The following NRG1 variants were observed in gnomAD, a reference collection of about 807,000 sequenced individuals.
NRG1 encodes neuregulin 1.
In NRG1, 18 loss-of-function variants were observed where a neutral mutation model predicts 63.8. The ratio of observed to expected loss-of-function variants is 0.28; its 90% confidence interval spans 0.19 to 0.42. The LOEUF (loss-of-function observed/expected upper bound fraction) is 0.42, where lower values mean the gene tolerates loss of function less well. Among genes scored for constraint, NRG1 ranks in the 10% least tolerant of loss-of-function variants. The probability of loss-of-function intolerance (pLI) is 1.00; values close to 1 mark genes in which losing one functional copy is unlikely to be tolerated. For missense variants in NRG1, 762 were observed against 814.7 expected (o/e 0.94, Z 0.79); for synonymous variants, 302 against 301.3 (o/e 1.00, Z -0.02).
At chr8:32,101,151 A>C (rs1031763549) in intron 1 of NRG1, among the ~76,000 whole-genome samples, 4 of 152,182 alleles carry the variant, frequency 2.6e-5, no homozygotes, top group African/African-American at 9.7e-5. Context: ...CAGCAGCATA[A>C]ATAGAAACTG....
intron 1 of NRG1, among the ~76,000 whole-genome samples, chr8:32,461,325 G>A (rs974290762): frequency 6.6e-6 from 1 of 152,160 alleles, no homozygotes; most frequent in East Asian, 1.9e-4. Flanking sequence ...TAAAATAAGT[G>A]CCTTCTAAAA....
At chr8:32,052,949 C>T (rs1822231947) in intron 1 of NRG1, among the ~76,000 whole-genome samples, 1 of 152,122 alleles carries the variant, frequency 6.6e-6, no homozygotes, top group Admixed American at 6.6e-5. Context: ...TTGATCTGGC[C>T]AATGTGGTTA....
chr8:32,646,544 C>T (rs1853576091), intron 5 of NRG1, among the ~76,000 whole-genome samples: 1 of 152,110 alleles, frequency 6.6e-6, no homozygotes, highest in African/African-American at 2.4e-5. Context: ...CCCACCTACA[C>T]CACCCCCCAC....
intron 1 of NRG1, among the ~76,000 whole-genome samples, chr8:32,078,352 C>G (rs1826929079): frequency 6.6e-6 from 1 of 152,228 alleles, no homozygotes; most frequent in Non-Finnish European, 1.5e-5. Context: ...TGATTGCAAG[C>G]TTCCTGAGTT....
At chr8:31,642,790 TA>T (rs1476327508) in intron 1 of NRG1, among the ~76,000 whole-genome samples, 3 of 152,206 alleles carry the variant, frequency 2.0e-5, no homozygotes, top group African/African-American at 7.2e-5. Flanking sequence ...TTATATGATT[TA>T]AAGTAGGATA....
chr8:32,477,188 A>C (rs566893087), intron 1 of NRG1, among the ~76,000 whole-genome samples: 1 of 152,192 alleles, frequency 6.6e-6, no homozygotes, highest in East Asian at 1.9e-4. Context: ...TCAGCTTTTC[A>C]AGGTCTACAC....
Position 31,648,221 on chromosome 8 carries a change from C to G in NRG1, c.37+8790C>G, listed in dbSNP as rs558858485. ...CGATCTCGACTCACTGCAAGCTCCGCCTCCCGGGTTCACGCCATTCTCCTG... is the reference window on the plus strand; with the variant it reads ...CGATCTCGACTCACTGCAAGCTCCGGCTCCCGGGTTCACGCCATTCTCCTG... On this transcript the variant is annotated intron_variant, in intron 1 of 10. Transcript: ENST00000519301. Among the ~76,000 whole-genome samples, 4 of 148,936 alleles carry G rather than the reference C, an allele frequency of 2.7e-5. No individual in the cohort carries two copies. In the East Asian group the frequency reaches 7.9e-4, roughly 30 times the overall value.
At chr8:32,083,762 C>T (rs1309223695) in intron 1 of NRG1, among the ~76,000 whole-genome samples, 1 of 140,782 alleles carries the variant, frequency 7.1e-6, no homozygotes, top group African/African-American at 2.6e-5. Context: ...TATTTCATGT[C>T]ATGTGATACA....
At chr8:32,758,022 C>T (rs571473326) in intron 9 of NRG1, among the ~76,000 whole-genome samples, 1 of 152,246 alleles carries the variant, frequency 6.6e-6, no homozygotes, top group African/African-American at 2.4e-5. Context: ...CATGGAATAG[C>T]CTTTCCACTA....
At chr8:31,757,845 T>C (rs917583529) in intron 1 of NRG1, among the ~76,000 whole-genome samples, 2 of 152,086 alleles carry the variant, frequency 1.3e-5, no homozygotes, top group African/African-American at 2.4e-5. Flanking sequence ...GAACAAAACT[T>C]CATTAAGATA....
At chr8:32,121,338 G>A (rs184058480) in intron 1 of NRG1, among the ~76,000 whole-genome samples, 2 of 151,966 alleles carry the variant, frequency 1.3e-5, no homozygotes, top group Non-Finnish European at 2.9e-5. Context: ...CTTAAGTGTT[G>A]ATTTGTTGCC....
Position 32,130,478 on chromosome 8 carries a change from G to C in NRG1, c.38-465350G>C, listed in dbSNP as rs979437023. Among the ~76,000 whole-genome samples, 6 of 151,894 alleles carry C rather than the reference G, an allele frequency of 4.0e-5. No individual in the cohort carries two copies. In the South Asian group the frequency reaches 1.2e-3, roughly 32 times the overall value. On this transcript the variant is annotated intron_variant, in intron 1 of 10. Transcript: ENST00000519301. ...TACTTACTAATGTTCATTGGAATTGGTGGTAATACTGAGGTCAGGATTTAA... is the reference window on the plus strand; with the variant it reads ...TACTTACTAATGTTCATTGGAATTGCTGGTAATACTGAGGTCAGGATTTAA...
At chr8:32,406,627 A>G (rs1401417652) in intron 1 of NRG1, among the ~76,000 whole-genome samples, 2 of 152,142 alleles carry the variant, frequency 1.3e-5, no homozygotes, top group Non-Finnish European at 2.9e-5. Context: ...TAGTAGCCAT[A>G]GGGGAATCTG....
At chr8:31,680,457 C>G (rs1808211219) in intron 1 of NRG1, among the ~76,000 whole-genome samples, 1 of 151,988 alleles carries the variant, frequency 6.6e-6, no homozygotes, top group Admixed American at 6.6e-5. Context: ...CATGTCCCTA[C>G]AAAGGACATG....
intron 1 of NRG1, among the ~76,000 whole-genome samples, chr8:31,908,708 C>A (rs905766145): frequency 2.0e-5 from 3 of 151,996 alleles, no homozygotes; most frequent in Admixed American, 1.3e-4. Flanking sequence ...ATTATATCAT[C>A]AAAATATTGT....
chr8:32,758,852 AT>A (rs1171804626), intron 9 of NRG1, among the ~76,000 whole-genome samples: 1 of 151,970 alleles, frequency 6.6e-6, no homozygotes, highest in Non-Finnish European at 1.5e-5. Context: ...GATTCTGAAT[AT>A]TTTTTTCTAG....
At chr8:32,310,616 C>A (rs1039733057) in intron 1 of NRG1, among the ~76,000 whole-genome samples, 1 of 152,148 alleles carries the variant, frequency 6.6e-6, no homozygotes, top group Non-Finnish European at 1.5e-5. Context: ...AGAACCCATT[C>A]AGTGAGAATG....
chr8:32,488,823 G>C (rs1276637583), intron 1 of NRG1, among the ~76,000 whole-genome samples: 3 of 152,152 alleles, frequency 2.0e-5, no homozygotes, highest in Admixed American at 2.0e-4. Context: ...TGACACCTCA[G>C]AGTTTCGAGT....
intron 11 of NRG1, 35 bp downstream of exon 11, chr8:32,760,441 AACTC>A: frequency 6.2e-7 from 1 of 1,610,996 alleles, no homozygotes; most frequent in Non-Finnish European, 8.5e-7. Flanking sequence ...GCAGAGGAGA[AACTC>A]AGTCAGAGAA....
Sources: gnomAD v4.1 joint callset for allele counts (sites outside exome capture counted in the v4.1 genomes callset) on GRCh38, gnomAD v4.1.1 for gene constraint, MANE v1.5 for transcripts, NCBI Gene and HGNC (gene_info 2026-07-23, HGNC 2026-07-21) for gene names.